RAB11FIP2: variants seen among roughly 807,000 people sequenced by gnomAD.
RAB11FIP2 encodes the protein rab11 family-interacting protein 2.
A neutral mutation model predicts 40.9 loss-of-function variants in RAB11FIP2; 16 were observed. That is an observed-to-expected ratio of 0.39 (90% CI 0.26 to 0.59). The LOEUF is 0.59. Ranked by LOEUF, RAB11FIP2 falls within the 20% of genes least tolerant of loss-of-function variation. RAB11FIP2 has a pLI of 0.53. For synonymous variants in RAB11FIP2, 228 were observed against 213.7 expected (o/e 1.07, Z -0.58); for missense variants, 532 against 606.2 (o/e 0.88, Z 1.28).
At chr10:118,011,427 T>C (rs1053780949) in intron 4 of RAB11FIP2, among the ~76,000 whole-genome samples, 1 of 151,982 alleles carries the variant, frequency 6.6e-6, no homozygotes, top group African/African-American at 2.4e-5. Context: ...ACGTAGTTAC[T>C]AGTTTAATTG....
At chr10:118,040,920 A>AT (rs530635693) in intron 1 of RAB11FIP2, among the ~76,000 whole-genome samples, 2,549 of 151,296 alleles carry the variant, frequency 0.017, 62 homozygotes, top group African/African-American at 0.057. Flanking sequence ...GCCTAAGGAC[A>AT]TTTTTTTTTA....
chr10:118,021,450 T>G (rs1846282359), intron 3 of RAB11FIP2, among the ~76,000 whole-genome samples: 1 of 152,192 alleles, frequency 6.6e-6, no homozygotes, highest in Non-Finnish European at 1.5e-5. Context: ...GCACTCCCAC[T>G]ATCATCCCAG....
intron 3 of RAB11FIP2, among the ~76,000 whole-genome samples, chr10:118,030,378 GTTCTCT>G: frequency 6.6e-6 from 1 of 152,168 alleles, no homozygotes; most frequent in Middle Eastern, 3.4e-3. Flanking sequence ...ATAACAACTT[GTTCTCT>G]TTAAGTATTG....
At chr10:118,022,109 G>A (rs1057353865) in intron 3 of RAB11FIP2, among the ~76,000 whole-genome samples, 13 of 152,152 alleles carry the variant, frequency 8.5e-5, no homozygotes, top group African/African-American at 2.9e-4. Flanking sequence ...AATCTCCTGC[G>A]CACCGAAGGT....
At chr10:118,034,876 A>T (rs995119861) in intron 3 of RAB11FIP2, among the ~76,000 whole-genome samples, 2 of 152,136 alleles carry the variant, frequency 1.3e-5, no homozygotes, top group African/African-American at 2.4e-5. Context: ...TAGCAAGCTG[A>T]TTAGGCATCA....
chr10:118,024,470 CGTGTGTGTGTGTGTGTGTGTGT>C (rs55723398), intron 3 of RAB11FIP2, among the ~76,000 whole-genome samples: 4 of 131,810 alleles, frequency 3.0e-5, no homozygotes, highest in African/African-American at 5.8e-5. Context: ...TCATCATCAT[CGTGTGTGTGTGTGTGTGTGTGT>C]GTGTGTGTGT....
At chr10:118,032,417 G>A (rs1846425773) in intron 3 of RAB11FIP2, among the ~76,000 whole-genome samples, 1 of 149,096 alleles carries the variant, frequency 6.7e-6, no homozygotes, top group Admixed American at 6.6e-5. Context: ...GCGTGCGTGT[G>A]TGTGTGTTTA....
chr10:118,041,470 T>C (rs1846557549), intron 1 of RAB11FIP2, among the ~76,000 whole-genome samples: 2 of 152,094 alleles, frequency 1.3e-5, no homozygotes, highest in Admixed American at 6.5e-5. Context: ...CAGTTGGCCA[T>C]GTCACAAGTG....
Position 118,040,173 on chromosome 10 carries a change from G to A in RAB11FIP2, c.746C>T (p.Thr249Ile). ...ATCTAACTGGTGTCCGAGAAGATGT[G>A]TTTGACCTATGGTGCCAGCCTTCAG... ...EKLKAGTIGQTHLLGHQLDSF... is the reference protein window; with the variant it reads ...EKLKAGTIGQIHLLGHQLDSF... The change falls in exon 2 of 5, where the codon ACA becomes ATA. Residue 249 changes from threonine to isoleucine, a missense_variant. Coordinates refer to ENST00000355624, the MANE Select transcript of RAB11FIP2 (RefSeq NM_014904.3). 2 of 1,613,840 alleles carry A rather than the reference G, an allele frequency of 1.2e-6. No individual in the cohort carries two copies. The highest frequency in any genetic ancestry group is 1.3e-5 in the African/African-American group (1 of 75,026).
At chr10:118,028,844 T>C (rs1846376913) in intron 3 of RAB11FIP2, among the ~76,000 whole-genome samples, 1 of 152,080 alleles carries the variant, frequency 6.6e-6, no homozygotes, top group Non-Finnish European at 1.5e-5. Flanking sequence ...AAATGCATAC[T>C]TTCACAACCA....
At chr10:118,020,131 T>A (rs755229904) in intron 3 of RAB11FIP2, among the ~76,000 whole-genome samples, 1 of 152,088 alleles carries the variant, frequency 6.6e-6, no homozygotes, top group African/African-American at 2.4e-5. Flanking sequence ...ACAGAGATGG[T>A]AAGGTGCAAG....
intron 3 of RAB11FIP2, among the ~76,000 whole-genome samples, chr10:118,016,139 A>G (rs1846217039): frequency 6.6e-6 from 1 of 152,210 alleles, no homozygotes; most frequent in African/African-American, 2.4e-5. Flanking sequence ...CACATGTACA[A>G]CCACCTCCAG....
In RAB11FIP2 at chr10:118,007,336, AT is replaced by A. The variant is rs1846102441; in HGVS notation, c.*1661del. 1 of 151,894 alleles carries A rather than the reference AT, an allele frequency of 6.6e-6. No individual in the cohort carries two copies. The highest frequency in any genetic ancestry group is 6.6e-5 in the Admixed American group (1 of 15,230). The allele number at this position is 151,894 out of a possible 1,614,324, so 9.4% of individuals were successfully genotyped here. On this transcript the variant is annotated 3_prime_UTR_variant, in exon 5 of 5. Coordinates refer to ENST00000355624, the MANE Select transcript of RAB11FIP2 (RefSeq NM_014904.3). ...TGAAAAAAATGTTCATAATTTCAAA[AT>A]GTATGTTCTTACAGTAAAACTGAAA...
chr10:118,031,998 CAG>C (rs374277580), intron 3 of RAB11FIP2, among the ~76,000 whole-genome samples: 40 of 152,096 alleles, frequency 2.6e-4, no homozygotes, highest in Middle Eastern at 3.4e-3. Flanking sequence ...CATCAAACAA[CAG>C]AAACTCATCA....
In RAB11FIP2 at chr10:118,008,490, T is replaced by C. The variant is rs952700916; in HGVS notation, c.*508A>G. 5 of 157,890 alleles carry C rather than the reference T, an allele frequency of 3.2e-5. No homozygotes were observed. Among genetic ancestry groups the C allele is most frequent in the African/African-American group, 9.6e-5 (4 of 41,568 alleles). The allele number at this position is 157,890 out of a possible 1,614,324, so 9.8% of individuals were successfully genotyped here. ...CATGTATATATGAGGTATATGCCTA[T>C]ATTTTATATACAAGATACATGAATA... On this transcript the variant is annotated 3_prime_UTR_variant, in exon 5 of 5. Coordinates refer to ENST00000355624, the MANE Select transcript of RAB11FIP2 (RefSeq NM_014904.3).
intron 4 of RAB11FIP2, among the ~76,000 whole-genome samples, chr10:118,014,670 A>T (rs1319908781): frequency 6.6e-6 from 1 of 152,168 alleles, no homozygotes; most frequent in Non-Finnish European, 1.5e-5. Context: ...GAATGTTAAC[A>T]AGCAGCTTTA....
rs759822541 is a variant in RAB11FIP2, at chr10:118,040,409, C to T, written c.510G>A (p.Lys170=). The T allele has an allele frequency of 6.2e-7, 1 of 1,613,806 alleles. No homozygotes were observed. Among genetic ancestry groups the T allele is most frequent in the Non-Finnish European group, 8.5e-7 (1 of 1,179,796 alleles). The part of the protein sequence containing the change: ...TRSPFAKLKD[K]MKGRKNDGTF... ...TTCCATCATTTTTTCTACCCTTCATCTTATCTTTTAACTTTGCAAAAGGAG... is the reference window on the plus strand; with the variant it reads ...TTCCATCATTTTTTCTACCCTTCATTTTATCTTTTAACTTTGCAAAAGGAG... The change falls in exon 2 of 5, where the codon AAG becomes AAA. Residue 170 remains lysine, a synonymous_variant. Coordinates refer to ENST00000355624, the MANE Select transcript of RAB11FIP2 (RefSeq NM_014904.3).
chr10:118,046,225 G>T lies in RAB11FIP2; in HGVS notation c.-62C>A. On this transcript the variant is annotated 5_prime_UTR_variant, in exon 1 of 5. Transcript: ENST00000355624. The stretch of plus-strand genomic sequence containing the variant: ...AGGCAGTGCCCCTCCCGGAGGGAGA[G>T]CCTAATTCCTTAATCACTGCATCCT... The T allele has an allele frequency of 1.4e-6, 2 of 1,395,272 alleles. No individual in the cohort carries two copies. The highest frequency in any genetic ancestry group is 2.0e-6 in the Non-Finnish European group (2 of 1,000,928). The allele number at this position is 1,395,272 out of a possible 1,614,324, so 86.4% of individuals were successfully genotyped here.
rs147935208 is a variant in RAB11FIP2 at position 118,033,110 on chromosome 10, T to C, written c.1265+5862A>G. Among the ~76,000 whole-genome samples, 791 of 152,248 alleles carry C rather than the reference T, an allele frequency of 5.2e-3. 15 individuals are homozygous for C. The highest frequency in any genetic ancestry group is 0.018 in the African/African-American group (753 of 41,550). On this transcript the variant is annotated intron_variant, in intron 3 of 4. Coordinates refer to ENST00000355624, the MANE Select transcript of RAB11FIP2 (RefSeq NM_014904.3). Reference sequence around the variant, plus strand: ...ACACAGGATATATAGGGTTCGGAACTGTGCCTGGTTTCAGGAATCCACTGG... The same window carrying C: ...ACACAGGATATATAGGGTTCGGAACCGTGCCTGGTTTCAGGAATCCACTGG...
Sources: allele counts gnomAD v4.1 joint callset (sites outside exome capture counted in the v4.1 genomes callset), GRCh38; gene constraint gnomAD v4.1.1; transcripts MANE v1.5; gene names NCBI Gene and HGNC (gene_info 2026-07-23, HGNC 2026-07-21).